GALNT18: variants seen among roughly 807,000 people sequenced by gnomAD.
GALNT18 encodes polypeptide N-acetylgalactosaminyltransferase 18, also known as GalNAc-transferase 18.
Under a neutral mutation model 69.5 loss-of-function variants are expected in GALNT18, and 44 were observed. That is an observed-to-expected ratio of 0.63 (90% CI 0.50 to 0.81). The LOEUF (loss-of-function observed/expected upper bound fraction) is 0.81, where lower values mean the gene tolerates loss of function less well. Ranked by LOEUF, GALNT18 falls within the 40% of genes least tolerant of loss-of-function variation. The pLI is 0.00. For synonymous variants in GALNT18, 364 were observed against 318.2 expected, an observed-to-expected ratio of 1.14 and a Z score of -1.53; for missense variants, 715 against 810.0, an observed-to-expected ratio of 0.88 and a Z score of 1.42.
rs149772195 is a variant in GALNT18 at position 11,468,127 on chromosome 11, T to C, written c.236-19191A>G. ...CTGTAATCCTTTTATATATCATAAA[T>C]GTTGTGCTGGTAAAATACCATGCCT... On this transcript the variant is annotated intron_variant, in intron 1 of 10. Coordinates refer to ENST00000227756, the MANE Select transcript of GALNT18 (RefSeq NM_198516.3). Among the ~76,000 whole-genome samples, 1,075 of 152,358 alleles carry C rather than the reference T, an allele frequency of 7.1e-3. 8 individuals carry two copies. Among genetic ancestry groups the C allele is most frequent in the Admixed American group, 0.013 (202 of 15,308 alleles).
intron 9 of GALNT18, among the ~76,000 whole-genome samples, chr11:11,311,114 G>A (rs1849666235): frequency 6.6e-6 from 1 of 152,128 alleles, no homozygotes; most frequent in South Asian, 2.1e-4. Flanking sequence ...TCAAAGAATG[G>A]TAAGCATCCT....
At chr11:11,443,582 A>G (rs1037641526) in intron 2 of GALNT18, among the ~76,000 whole-genome samples, 1 of 151,020 alleles carries the variant, frequency 6.6e-6, no homozygotes, top group Non-Finnish European at 1.5e-5. Context: ...ACACAGAGAG[A>G]GCCATAGGAC....
Position 11,555,932 on chromosome 11 carries a change from A to C in GALNT18, c.235+65427T>G, listed in dbSNP as rs1858322769. ...GCAGAGCAGGATCATCTGAACGTTG[A>C]TCTGGTTTGCTTTCCCTTATTTCCT... On this transcript the variant is annotated intron_variant, in intron 1 of 10. Transcript: ENST00000227756. The surrounding 1 kb of genome is among the most constrained non-coding windows in gnomAD (Gnocchi z 4.7). Among the ~76,000 whole-genome samples the C allele has an allele frequency of 6.6e-6, 1 of 152,214 alleles. No individual in the cohort carries two copies. The highest frequency in any genetic ancestry group is 6.5e-5 in the Admixed American group (1 of 15,286).
chr11:11,280,343 C>A (rs1021344775), intron 10 of GALNT18, among the ~76,000 whole-genome samples: 7 of 152,158 alleles, frequency 4.6e-5, no homozygotes, highest in African/African-American at 1.7e-4. Context: ...GAAGGCCAGC[C>A]TCTCGCTCTC....
At chr11:11,433,381 C>G (rs1229969347) in intron 2 of GALNT18, among the ~76,000 whole-genome samples, 2 of 152,210 alleles carry the variant, frequency 1.3e-5, no homozygotes, top group Admixed American at 1.3e-4. Context: ...GTAGAAGGAC[C>G]AGGTCCAGTC....
chr11:11,478,909 G>C (rs567890771), intron 1 of GALNT18, among the ~76,000 whole-genome samples: 1 of 152,260 alleles, frequency 6.6e-6, no homozygotes, highest in East Asian at 1.9e-4. Context: ...GTCTCTTGCG[G>C]CATCTCGGCA....
At chr11:11,507,572 T>C (rs1046896314) in intron 1 of GALNT18, among the ~76,000 whole-genome samples, 2 of 152,244 alleles carry the variant, frequency 1.3e-5, no homozygotes, top group African/African-American at 4.8e-5. Flanking sequence ...ATCCAAGCTT[T>C]ATATGCACAA....
Position 11,377,627 on chromosome 11 carries a change from T to A in GALNT18, c.780-248A>T, listed in dbSNP as rs992626676. On this transcript the variant is annotated intron_variant, in intron 4 of 10. Coordinates refer to ENST00000227756, the MANE Select transcript of GALNT18 (RefSeq NM_198516.3). The surrounding 1 kb of genome is among the most constrained non-coding windows in gnomAD (Gnocchi z 4.6). ...CCAGAGCTGAGCTGAGAGATTCTTATTCCAGCCAACCTTGTGCCTGCTCGC... is the reference window on the plus strand; with the variant it reads ...CCAGAGCTGAGCTGAGAGATTCTTAATCCAGCCAACCTTGTGCCTGCTCGC... Among the ~76,000 whole-genome samples, 2 of 151,784 alleles carry A rather than the reference T, an allele frequency of 1.3e-5. No homozygotes were observed. The highest frequency in any genetic ancestry group is 2.4e-5 in the African/African-American group (1 of 41,264).
chr11:11,606,846 C>T lies in GALNT18; in HGVS notation c.235+14513G>A, dbSNP rs565730530. Among the ~76,000 whole-genome samples, 34 of 152,306 alleles carry T rather than the reference C, an allele frequency of 2.2e-4. No homozygotes were observed. The highest frequency in any genetic ancestry group is 2.1e-3 in the Admixed American group (32 of 15,308). On this transcript the variant is annotated intron_variant, in intron 1 of 10. Coordinates refer to ENST00000227756, the MANE Select transcript of GALNT18 (RefSeq NM_198516.3). This position sits in a 1 kb window ranked among gnomAD's most constrained non-coding sequence, Gnocchi z 5.4. ...CAGGGCCTCCAGGACCCAGTAGAGGCTCCTCAGGGTAGTCCTCAAGTTGCA... is the reference window on the plus strand; with the variant it reads ...CAGGGCCTCCAGGACCCAGTAGAGGTTCCTCAGGGTAGTCCTCAAGTTGCA...
chr11:11,351,211 G>A (rs962245627), intron 6 of GALNT18, among the ~76,000 whole-genome samples: 1 of 152,204 alleles, frequency 6.6e-6, no homozygotes, highest in African/African-American at 2.4e-5. Flanking sequence ...GGAGCTGCAA[G>A]GGGCAGGCAG....
intron 9 of GALNT18, among the ~76,000 whole-genome samples, chr11:11,295,667 G>C (rs1007380467): frequency 4.4e-4 from 67 of 152,088 alleles, no homozygotes; most frequent in African/African-American, 1.5e-3. Flanking sequence ...TGTCTGGAGG[G>C]AGGAGCAGAA....
rs920016749 is a variant in GALNT18 at position 11,314,126 on chromosome 11, C to T, written c.1512+12960G>A. 6.6e-6 allele frequency among the ~76,000 whole-genome samples: 1 copy of T among 152,120 alleles called. No homozygotes were observed. Among genetic ancestry groups the T allele is most frequent in the African/African-American group, 2.4e-5 (1 of 41,410 alleles). On this transcript the variant is annotated intron_variant, in intron 9 of 10. Transcript: ENST00000227756. The surrounding 1 kb of genome is among the most constrained non-coding windows in gnomAD (Gnocchi z 5.2). ...GCTCCTCTGTCACTGGGTTTGGTGA[C>T]CTGTCCCCAAGGCCAGAGAGGCCTG...
rs975195958 is a variant in GALNT18 at position 11,562,943 on chromosome 11, C to G, written c.235+58416G>C. ...AGCACCCCCACAGCCCTCAAGTTCA[C>G]AGATCGGAAGAGACTCCCAGGAACT... On this transcript the variant is annotated intron_variant, in intron 1 of 10. Transcript: ENST00000227756. This position sits in a 1 kb window ranked among gnomAD's most constrained non-coding sequence, Gnocchi z 4.1. Among the ~76,000 whole-genome samples the G allele has an allele frequency of 2.0e-5, 3 of 152,202 alleles. No individual in the cohort carries two copies. Among genetic ancestry groups the G allele is most frequent in the African/African-American group, 7.2e-5 (3 of 41,440 alleles).
intron 6 of GALNT18, among the ~76,000 whole-genome samples, chr11:11,362,243 G>A (rs1173374618): frequency 6.6e-6 from 1 of 152,074 alleles, no homozygotes; most frequent in African/African-American, 2.4e-5. Context: ...AAACATAAGT[G>A]AATTTCTTTA....
rs548268022 is a variant in GALNT18 at position 11,415,393 on chromosome 11, G to A, written c.595+17228C>T. 1.3e-4 allele frequency among the ~76,000 whole-genome samples: 20 copies of A among 152,248 alleles called. 1 individual carries two copies. The highest frequency in any genetic ancestry group is 6.2e-4 in the South Asian group (3 of 4,818). ...ACACAGTGATCAATAAATAGTTGCC[G>A]AATGAGAAAATAACGTGTCCTTGTA... On this transcript the variant is annotated intron_variant, in intron 3 of 10. Transcript: ENST00000227756. This position sits in a 1 kb window ranked among gnomAD's most constrained non-coding sequence, Gnocchi z 4.1.
intron 1 of GALNT18, among the ~76,000 whole-genome samples, chr11:11,512,930 C>G (rs1025368642): frequency 6.6e-6 from 1 of 152,158 alleles, no homozygotes; most frequent in Admixed American, 6.5e-5. Flanking sequence ...TGTCTGTGTG[C>G]GTGGTACCTG....
chr11:11,574,802 G>C lies in GALNT18; in HGVS notation c.235+46557C>G, dbSNP rs563413256. Among the ~76,000 whole-genome samples, 6 of 152,332 alleles carry C rather than the reference G, an allele frequency of 3.9e-5. No homozygotes were observed. The East Asian group carries it at 9.6e-4, about 24-fold the overall frequency. ...CCAGCAAAGGAGTCGTATTAGGAAA[G>C]CAAGGACAGAGCAGAAGCATTAGTA... On this transcript the variant is annotated intron_variant, in intron 1 of 10. Coordinates refer to ENST00000227756, the MANE Select transcript of GALNT18 (RefSeq NM_198516.3).
chr11:11,568,927 C>T (rs978243859), intron 1 of GALNT18, among the ~76,000 whole-genome samples: 4 of 152,178 alleles, frequency 2.6e-5, no homozygotes, highest in Admixed American at 1.3e-4. Context: ...TGTACAAATT[C>T]GGTTTCTAGG....
intron 3 of GALNT18, among the ~76,000 whole-genome samples, chr11:11,399,018 C>A (rs901103509): frequency 8.5e-5 from 13 of 152,148 alleles, no homozygotes; most frequent in African/African-American, 2.7e-4. Flanking sequence ...CTGATATGGA[C>A]AAACATGCTT....
Sources: allele counts gnomAD v4.1 joint callset (sites outside exome capture counted in the v4.1 genomes callset), GRCh38; gene constraint gnomAD v4.1.1; non-coding constraint Gnocchi (gnomAD v3.1); transcripts MANE v1.5; gene names NCBI Gene and HGNC (gene_info 2026-07-23, HGNC 2026-07-21).